The following UPB1 variants were observed in gnomAD, a reference collection of about 807,000 sequenced individuals.
UPB1 encodes beta-ureidopropionase 1.
UPB1 carries 40 observed loss-of-function variants against 49.1 expected under a neutral mutation model. The observed-to-expected ratio is 0.81, with a 90% CI of 0.63 to 1.06. UPB1 has a LOEUF of 1.06. Among genes scored for constraint, UPB1 ranks in the 50% least tolerant of loss-of-function variants. The pLI is 0.00. For synonymous variants in UPB1, 207 were observed against 198.2 expected (o/e 1.04, Z -0.38); for missense variants, 499 against 505.9 (o/e 0.99, Z 0.13).
chr22:24,510,814 G>C lies in UPB1; in HGVS notation c.430G>C (p.Asp144His). 6.2e-7 allele frequency: 1 copy of C among 1,614,198 alleles called. No homozygotes were observed. Among genetic ancestry groups the C allele is most frequent in the Non-Finnish European group, 8.5e-7 (1 of 1,180,028 alleles). The part of the protein sequence containing the change: ...PWTEFAESAE[D>H]GPTTRFCQKL... ...GACAGAATTTGCTGAGTCAGCAGAG[G>C]ATGGGCCCACCACCAGATTCTGTCA... The change falls in exon 4 of 10, where the codon GAT becomes CAT. Residue 144 changes from aspartate to histidine, a missense_variant. Transcript: ENST00000326010.
In UPB1 at chr22:24,520,384, C is replaced by T; in HGVS notation, c.792-3C>T. The stretch of plus-strand genomic sequence containing the variant: ...CCTGGTTCCTCTTGGTCCTCTCTTA[C>T]AGCGAGTCCCTGTGGCCCATCGAGG... On this transcript the variant is annotated splice_polypyrimidine_tract_variant and splice_region_variant and intron_variant, in intron 6 of 9. Transcript: ENST00000326010. 6.2e-7 allele frequency: 1 copy of T among 1,614,162 alleles called. No homozygotes were observed. The highest frequency in any genetic ancestry group is 8.5e-7 in the Non-Finnish European group (1 of 1,180,010).
chr22:24,499,171 CAG>C (rs879698483), intron 1 of UPB1, among the ~76,000 whole-genome samples: 22 of 152,290 alleles, frequency 1.4e-4, no homozygotes, highest in South Asian at 4.1e-4. Flanking sequence ...GGGGCGGCGA[CAG>C]GGGGCTTGGG....
chr22:24,505,010 C>T (rs1314595452), intron 3 of UPB1, among the ~76,000 whole-genome samples: 1 of 150,492 alleles, frequency 6.6e-6, no homozygotes, highest in African/African-American at 2.4e-5. Flanking sequence ...CAAAATGCTG[C>T]AACTATAGGC....
intron 4 of UPB1, among the ~76,000 whole-genome samples, chr22:24,511,612 A>ATT (rs201206994): frequency 0.012 from 1,125 of 90,556 alleles, 16 homozygotes; most frequent in Non-Finnish European, 0.019. Flanking sequence ...ATATATATAT[A>ATT]TATATATTTT....
At position 24,500,107 on chromosome 22, in the gene UPB1, G is replaced by A. The variant is rs991724814; in HGVS notation, c.105G>A (p.Arg35=). Residue 35 remains arginine (R), a splice_region_variant and synonymous_variant, in exon 2 of 10, where the codon AGG becomes AGA. Transcript: ENST00000326010. ...TCCCTCTTTTTTCCTGCCCATCTAGGAAGCTTGATCTGCCCAGGGAAGCTT... is the reference window on the plus strand; with the variant it reads ...TCCCTCTTTTTTCCTGCCCATCTAGAAAGCTTGATCTGCCCAGGGAAGCTT... ...VKRVLYGKEL[R]KLDLPREAFE... 1 of 1,614,036 alleles carries A rather than the reference G, an allele frequency of 6.2e-7. No homozygotes were observed. Among genetic ancestry groups the A allele is most frequent in the Non-Finnish European group, 8.5e-7 (1 of 1,180,048 alleles).
chr22:24,515,462 A>C, intron 6 of UPB1, 92 bp downstream of exon 6: 1 of 1,551,234 alleles, frequency 6.4e-7, no homozygotes, highest in African/African-American at 1.4e-5. Flanking sequence ...GGCAGCAGGC[A>C]GGCGCAGCCA....
Position 24,524,093 on chromosome 22 carries a change from T to G in UPB1, c.1071+320T>G, listed in dbSNP as rs543391361. ...TTGGCTCCTCTAATCCTTTTTCCTT[T>G]CCAGGCATTTGCACTTATCACAAGA... On this transcript the variant is annotated intron_variant, in intron 9 of 9. Transcript: ENST00000326010. Among the ~76,000 whole-genome samples, 11 of 152,356 alleles carry G rather than the reference T, an allele frequency of 7.2e-5. No individual in the cohort carries two copies. The South Asian group carries it at 2.3e-3, about 32-fold the overall frequency.
chr22:24,499,635 G>C (rs1054822575), intron 1 of UPB1, among the ~76,000 whole-genome samples: 13 of 152,212 alleles, frequency 8.5e-5, no homozygotes, highest in Admixed American at 8.5e-4. Flanking sequence ...TGTGATCCCA[G>C]GTCATGGCCT....
At chr22:24,497,047 C>CT (rs1489589311) in intron 1 of UPB1, among the ~76,000 whole-genome samples, 1 of 152,168 alleles carries the variant, frequency 6.6e-6, no homozygotes, top group African/African-American at 2.4e-5. Flanking sequence ...CTCACCTTCT[C>CT]TCCCCCCTAT....
intron 4 of UPB1, among the ~76,000 whole-genome samples, chr22:24,512,079 G>A (rs1311649969): frequency 6.6e-6 from 1 of 151,976 alleles, no homozygotes; most frequent in African/African-American, 2.4e-5. Context: ...TATAATCATG[G>A]TGACTTTATC....
chr22:24,521,939 T>G, intron 7 of UPB1, 47 bp from the exon 8 acceptor site: 1 of 1,601,620 alleles, frequency 6.2e-7, no homozygotes, highest in Non-Finnish European at 8.6e-7. Context: ...ATGAGTGTAG[T>G]GGTAGTGCCA....
At chr22:24,525,413 C>T (rs1222240633) in intron 9 of UPB1, among the ~76,000 whole-genome samples, 1 of 152,212 alleles carries the variant, frequency 6.6e-6, no homozygotes, top group Non-Finnish European at 1.5e-5. Flanking sequence ...GTAGGATGCT[C>T]TTCTGGGGAG....
intron 3 of UPB1, among the ~76,000 whole-genome samples, chr22:24,505,670 G>A (rs1304237649): frequency 6.6e-6 from 1 of 152,098 alleles, no homozygotes; most frequent in Admixed American, 6.6e-5. Context: ...GCCTCTTGGT[G>A]TGGAGAAAGG....
chr22:24,498,664 T>A (rs1568978420), intron 1 of UPB1, among the ~76,000 whole-genome samples: 1 of 152,004 alleles, frequency 6.6e-6, no homozygotes, highest in Non-Finnish European at 1.5e-5. Flanking sequence ...TAATGGAGGT[T>A]GTGCATGGTG....
At chr22:24,508,484 A>G (rs936603517) in intron 3 of UPB1, among the ~76,000 whole-genome samples, 8 of 152,064 alleles carry the variant, frequency 5.3e-5, no homozygotes, top group Admixed American at 1.3e-4. Context: ...GCTTGAACCC[A>G]GGAGGTGGAG....
At chr22:24,512,804 T>C (rs1479089689) in intron 4 of UPB1, among the ~76,000 whole-genome samples, 1 of 152,228 alleles carries the variant, frequency 6.6e-6, no homozygotes, top group Non-Finnish European at 1.5e-5. Context: ...TTTTTGGGAC[T>C]GGCTTATTTC....
intron 3 of UPB1, chr22:24,502,464 G>A: frequency 1.3e-6 from 1 of 780,978 alleles, no homozygotes; most frequent in Non-Finnish European, 2.4e-6. Context: ...ACCACCACCT[G>A]GTCCAAGCCC....
rs763790843 is a variant in UPB1, at chr22:24,523,703, G to A, written c.1001G>A (p.Arg334Gln). 7.4e-6 allele frequency: 12 copies of A among 1,614,164 alleles called. No homozygotes were observed. The highest frequency in any genetic ancestry group is 1.1e-5 in the South Asian group (1 of 91,094). ...SSRTPGLSRS[R>Q]DGLLVAKLDL... is the part of the protein sequence containing the mutation. ...CGGACTCCTGGGCTGTCCCGTAGCC[G>A]GGATGGACTGCTAGTTGCTAAGCTC... The change falls in exon 9 of 10, where the codon CGG becomes CAG. Residue 334 changes from arginine (R) to glutamine (Q), a missense_variant. Coordinates refer to ENST00000326010, the MANE Select transcript of UPB1 (RefSeq NM_016327.3).
At chr22:24,521,878 T>C (rs1179475912) in intron 7 of UPB1, 108 bp from the exon 8 acceptor site, 1 of 1,160,542 alleles carries the variant, frequency 8.6e-7, no homozygotes, top group African/African-American at 1.5e-5. Flanking sequence ...GTTTCCTGGC[T>C]GACTCGCCTC....
Sources: gnomAD v4.1 joint callset for allele counts (sites outside exome capture counted in the v4.1 genomes callset) on GRCh38, gnomAD v4.1.1 for gene constraint, MANE v1.5 for transcripts, NCBI Gene and HGNC (gene_info 2026-07-23, HGNC 2026-07-21) for gene names.